Variants in BMP8B observed in about 807,000 individuals in gnomAD.
BMP8B encodes bone morphogenetic protein 8b.
In BMP8B, 17 loss-of-function variants were observed where a neutral mutation model predicts 30.3. The ratio of observed to expected loss-of-function variants is 0.56; its 90% CI spans 0.38 to 0.84. The LOEUF is 0.84. BMP8B is among the 40% of genes least tolerant of loss of function. BMP8B has a pLI of 0.00. For synonymous variants in BMP8B, 131 were observed against 214.7 expected (o/e 0.61, Z 3.41); for missense variants, 253 against 494.6 (o/e 0.51, Z 4.63).
intron 1 of BMP8B, among the ~76,000 whole-genome samples, chr1:39,781,888 G>A (rs1374665099): frequency 6.6e-6 from 1 of 152,160 alleles, no homozygotes; most frequent in Non-Finnish European, 1.5e-5. Context: ...AGGGCGTGGT[G>A]GCTCTCGCCT....
rs1326619704 is a variant in BMP8B at position 39,788,520 on chromosome 1, G to A, written c.-35C>T. On this transcript the variant is annotated 5_prime_UTR_variant, in exon 1 of 7. Transcript: ENST00000372827. This position sits in a 1 kb window ranked among gnomAD's most constrained non-coding sequence, Gnocchi z 5.8. The stretch of plus-strand genomic sequence containing the variant: ...GGGGCGCTCAGCTGGGGCGCTCAGC[G>A]GGCGCGCATCGGCTCCGCGGCCGAC... 11 of 1,003,880 alleles carry A rather than the reference G, an allele frequency of 1.1e-5. No homozygotes were observed. Among genetic ancestry groups the A allele is most frequent in the South Asian group, 4.5e-5 (1 of 22,290 alleles). The allele number at this position is 1,003,880 out of a possible 1,614,324, so 62.2% of individuals were successfully genotyped here.
At chr1:39,761,838 T>G (rs2124419065) in intron 6 of BMP8B, among the ~76,000 whole-genome samples, 1 of 152,356 alleles carries the variant, frequency 6.6e-6, no homozygotes, top group South Asian at 2.1e-4. Flanking sequence ...CACGGTTGTT[T>G]TGCTTTGGAC....
Position 39,776,044 on chromosome 1 carries a change from C to G in BMP8B, c.335-1006G>C, listed in dbSNP as rs1378564797. Among the ~76,000 whole-genome samples the G allele has an allele frequency of 6.6e-5, 10 of 152,378 alleles. No individual in the cohort carries two copies. The East Asian group carries it at 1.7e-3, about 27-fold the overall frequency. On this transcript the variant is annotated intron_variant, in intron 1 of 6. Transcript: ENST00000372827. ...TGCTGCGGCCTGCCTGCTGAGGGTGCGAATCCCGGGCCAGGAGCCTGGGCT... is the reference window on the plus strand; with the variant it reads ...TGCTGCGGCCTGCCTGCTGAGGGTGGGAATCCCGGGCCAGGAGCCTGGGCT...
chr1:39,762,496 A>G, intron 6 of BMP8B: 1 of 1,545,798 alleles, frequency 6.5e-7, no homozygotes, highest in Non-Finnish European at 8.7e-7. Context: ...TCCCATCAGA[A>G]ACCTGCTTTT....
chr1:39,766,175 T>C (rs1649600962), intron 3 of BMP8B, among the ~76,000 whole-genome samples: 1 of 146,564 alleles, frequency 6.8e-6, no homozygotes, highest in Admixed American at 6.7e-5. Flanking sequence ...GTAGGTTATT[T>C]CCCGGCTTTC....
At chr1:39,771,370 C>A in intron 3 of BMP8B, 4 of 798,312 alleles carry the variant, frequency 5.0e-6, no homozygotes, top group Non-Finnish European at 7.2e-6. Context: ...CCCAGCAGGT[C>A]TCCCCGGCCA....
intron 3 of BMP8B, among the ~76,000 whole-genome samples, chr1:39,768,073 C>T (rs1019004737): frequency 6.7e-5 from 10 of 148,652 alleles, no homozygotes; most frequent in Non-Finnish European, 1.2e-4. Context: ...CACGTGTGCA[C>T]GCGTGCATGC....
At chr1:39,763,266 C>T in intron 5 of BMP8B, 64 bp from the exon 6 acceptor site, 1 of 1,468,662 alleles carries the variant, frequency 6.8e-7, no homozygotes, top group Non-Finnish European at 9.4e-7. Flanking sequence ...AGGGCCCAAA[C>T]CCATCCTCCA....
chr1:39,788,318 C>T lies in BMP8B; in HGVS notation c.168G>A (p.Gly56=), dbSNP rs911245283. ...REILAVLGLP[G]RPRPRAPPAA... ...CGGGTGGCGCGCGGGGCCGGGGCCG[C>T]CCAGGCAGCCCGAGCACCGCCAGGA... Residue 56 remains glycine, a synonymous_variant, in exon 1 of 7, where the codon GGG becomes GGA. Transcript: ENST00000372827. This position sits in a 1 kb window ranked among gnomAD's most constrained non-coding sequence, Gnocchi z 5.8. The T allele has an allele frequency of 3.2e-6, 4 of 1,235,410 alleles. No homozygotes were observed. The highest frequency in any genetic ancestry group is 4.0e-6 in the Non-Finnish European group (4 of 994,308). 76.5% of individuals were successfully genotyped at this position (1,235,410 alleles called of 1,614,324 possible).
intron 1 of BMP8B, among the ~76,000 whole-genome samples, chr1:39,781,858 A>G (rs1477186158): frequency 6.6e-6 from 1 of 152,158 alleles, no homozygotes; most frequent in Non-Finnish European, 1.5e-5. Context: ...GGCCCAGTCA[A>G]TCAATACCTA....
chr1:39,771,152 C>G, intron 3 of BMP8B: 1 of 1,556,100 alleles, frequency 6.4e-7, no homozygotes, highest in Non-Finnish European at 8.8e-7. Flanking sequence ...GAGCCGGGGA[C>G]TGGTGGCAAA....
Position 39,788,438 on chromosome 1 carries a change from G to T in BMP8B, c.48C>A (p.Cys16Ter). 1 of 1,036,082 alleles carries T rather than the reference G, an allele frequency of 9.7e-7. No homozygotes were observed. The highest frequency in any genetic ancestry group is 1.2e-6 in the Non-Finnish European group (1 of 864,456). 64.2% of individuals were successfully genotyped at this position (1,036,082 alleles called of 1,614,324 possible). A position where few individuals can be genotyped will look rare whatever the true frequency, so the allele number is the denominator to read the frequency against. The change falls in exon 1 of 7, where the codon TGC (cysteine) becomes TGA (stop). Residue 16 changes from cysteine to a stop codon, truncating the protein, a stop_gained. Transcript: ENST00000372827. LOFTEE classifies it high-confidence loss of function. The surrounding 1 kb of genome is among the most constrained non-coding windows in gnomAD (Gnocchi z 5.8). ...GGCCGGGGCCGCCCCCGCCCAGCGC[G>T]CATAGCGCCAGGCCCAGGAGCCAGA... is the stretch of plus-strand genomic sequence containing the variant. ...GPLWLLGLAL[C>*]ALGGGGPGLR... is the part of the protein sequence containing the mutation.
rs879152062 is a variant in BMP8B, at chr1:39,768,053, T to C, written c.674-3236A>G. Among the ~76,000 whole-genome samples the C allele has an allele frequency of 8.8e-4, 133 of 151,078 alleles. 1 individual carries two copies. The highest frequency in any genetic ancestry group is 2.2e-3 in the African/African-American group (91 of 41,380). On this transcript the variant is annotated intron_variant, in intron 3 of 6. Coordinates refer to ENST00000372827, the MANE Select transcript of BMP8B (RefSeq NM_001720.5). ...AGTGCATGCACCAGGCCAGGCTTGG[T>C]TGTCAACAGCACGTGTGCACGCGTG...
Position 39,760,306 on chromosome 1 carries a change from G to A in BMP8B, c.*113C>T. On this transcript the variant is annotated 3_prime_UTR_variant, in exon 7 of 7. Coordinates refer to ENST00000372827, the MANE Select transcript of BMP8B (RefSeq NM_001720.5). ...AAGGGTCATGTACGTGGTTGTGAGG[G>A]TCCTCCCTGGCAATGCCCCGGCCTG... 2 of 1,498,884 alleles carry A rather than the reference G, an allele frequency of 1.3e-6. No individual in the cohort carries two copies. The highest frequency in any genetic ancestry group is 1.8e-6 in the Non-Finnish European group (2 of 1,111,982). The allele number at this position is 1,498,884 out of a possible 1,614,324, so 92.8% of individuals were successfully genotyped here. A position where few individuals can be genotyped will look rare whatever the true frequency, so the allele number is the denominator to read the frequency against.
At chr1:39,766,651 C>T (rs1649635240) in intron 3 of BMP8B, among the ~76,000 whole-genome samples, 1 of 141,370 alleles carries the variant, frequency 7.1e-6, no homozygotes, top group East Asian at 1.9e-4. Context: ...GGAGAGGCTC[C>T]CTCCCTCTCA....
chr1:39,761,819 C>T (rs759202348), intron 6 of BMP8B, among the ~76,000 whole-genome samples: 4 of 152,228 alleles, frequency 2.6e-5, no homozygotes, highest in Non-Finnish European at 5.9e-5. Flanking sequence ...TCACAGGAGG[C>T]GTCACCTCCA....
rs140941375 is a variant in BMP8B, at chr1:39,762,982, CCT to C, written c.1059+108_1059+109del. On this transcript the variant is annotated intron_variant, in intron 6 of 6. Transcript: ENST00000372827. The stretch of plus-strand genomic sequence containing the variant: ...GTTACTGACTGTGCAGACAAAGCCC[CCT>C]GAGACGCGGAGCAGGTGGCCTCACT... The C allele has an allele frequency of 5.0e-3, 6,807 of 1,355,722 alleles. 261 individuals carry two copies. In the African/African-American group the frequency reaches 0.087, roughly 17 times the overall value. The allele number at this position is 1,355,722 out of a possible 1,614,324, so 84.0% of individuals were successfully genotyped here.
At chr1:39,766,838 T>G (rs1299033433) in intron 3 of BMP8B, among the ~76,000 whole-genome samples, 1 of 150,874 alleles carries the variant, frequency 6.6e-6, no homozygotes, top group East Asian at 1.9e-4. Flanking sequence ...ACAAGTGAGG[T>G]CACAACGGAG....
At chr1:39,761,879 C>T (rs971422025) in intron 6 of BMP8B, among the ~76,000 whole-genome samples, 7 of 152,240 alleles carry the variant, frequency 4.6e-5, no homozygotes, top group African/African-American at 4.8e-5. Context: ...TCCCCTAGAG[C>T]GCAGCGCCTG....
Sources: gnomAD v4.1 joint callset for allele counts (sites outside exome capture counted in the v4.1 genomes callset) on GRCh38, gnomAD v4.1.1 for gene constraint, Gnocchi (gnomAD v3.1) non-coding constraint, MANE v1.5 for transcripts, NCBI Gene and HGNC (gene_info 2026-07-23, HGNC 2026-07-21) for gene names.